Variants in VCAM1 observed in about 807,000 individuals in gnomAD.
VCAM1 encodes the protein vascular cell adhesion molecule 1, also known as vascular cell adhesion protein 1.
In VCAM1, 41 loss-of-function variants were observed where a neutral mutation model predicts 63.8. The observed-to-expected ratio is 0.64, with a 90% confidence interval of 0.50 to 0.83. VCAM1 has a LOEUF of 0.83. Ranked by LOEUF, VCAM1 falls within the 40% of genes least tolerant of loss-of-function variation. VCAM1 has a pLI of 0.00. For missense variants in VCAM1, 798 were observed against 875.5 expected, an observed-to-expected ratio of 0.91 and a Z score of 1.12; for synonymous variants, 338 against 320.7, an observed-to-expected ratio of 1.05 and a Z score of -0.58.
intron 8 of VCAM1, chr1:100,735,972 A>G (rs917487975): frequency 2.0e-5 from 3 of 152,172 alleles, no homozygotes; most frequent in African/African-American, 4.8e-5. Flanking sequence ...ACAGATTGCA[A>G]TCTCAGTTAT....
In VCAM1 at chr1:100,728,715, AATATAT is replaced by A. The variant is rs35811606; in HGVS notation, c.929-374_929-369del. Among the ~76,000 whole-genome samples the A allele has an allele frequency of 1.4e-3, 203 of 144,950 alleles. 1 individual carries two copies. Among genetic ancestry groups the A allele is most frequent in the East Asian group, 0.012 (58 of 4,992 alleles). ...AAAATTGTTGTGAGGATTAAATGAGAATATATATATATATATATATATAGTAATTTA... is the reference window on the plus strand; with the variant it reads ...AAAATTGTTGTGAGGATTAAATGAGAATATATATATATATATAGTAATTTA... On this transcript the variant is annotated intron_variant, in intron 4 of 8. Coordinates refer to ENST00000294728, the MANE Select transcript of VCAM1 (RefSeq NM_001078.4).
rs144133931 is a variant in VCAM1 at position 100,719,897 on chromosome 1, A to T, written c.37A>T (p.Asn13Tyr). The T allele has an allele frequency of 2.7e-5, 44 of 1,611,320 alleles. No homozygotes were observed. Among genetic ancestry groups the T allele is most frequent in the Non-Finnish European group, 3.5e-5 (41 of 1,178,248 alleles). The change falls in exon 1 of 9, where the codon AAT becomes TAT. Residue 13 changes from asparagine (N) to tyrosine (Y), a missense_variant. By Grantham distance (143) the Asn-to-Tyr change is moderately radical. Coordinates refer to ENST00000294728, the MANE Select transcript of VCAM1 (RefSeq NM_001078.4). Reference sequence around the variant, plus strand: ...GATGGTCGTGATCCTTGGAGCCTCAAATATACTTTGGATAATGTTTGCAGC... The same window carrying T: ...GATGGTCGTGATCCTTGGAGCCTCATATATACTTTGGATAATGTTTGCAGC... ...GKMVVILGAS[N>Y]ILWIMFAASQ...
At chr1:100,720,327 C>T (rs546136248) in intron 1 of VCAM1, 149 bp from the exon 2 acceptor site, 73 of 1,064,296 alleles carry the variant, frequency 6.9e-5, no homozygotes, top group South Asian at 4.1e-4. Context: ...GCAGTGACTT[C>T]GGTGCTTTTT....
intron 4 of VCAM1, 32 bp downstream of exon 4, chr1:100,724,922 G>T (rs758750562): frequency 1.2e-6 from 2 of 1,603,156 alleles, no homozygotes; most frequent in Non-Finnish European, 1.7e-6. Context: ...AATGATAAAG[G>T]TGCTGTCAGT....
In VCAM1 at chr1:100,731,729, A is replaced by G. The variant is rs1009766212; in HGVS notation, c.1525+211A>G. 2.0e-5 allele frequency among the ~76,000 whole-genome samples: 3 copies of G among 152,128 alleles called. No homozygotes were observed. ...TGGCTTATGATGCTTTGAGTAGGCAATTTAGGAAGGGACCAGCTAGGCAGT... is the reference window on the plus strand; with the variant it reads ...TGGCTTATGATGCTTTGAGTAGGCAGTTTAGGAAGGGACCAGCTAGGCAGT... On this transcript the variant is annotated intron_variant, in intron 6 of 8. Transcript: ENST00000294728. This position sits in a 1 kb window ranked among gnomAD's most constrained non-coding sequence, Gnocchi z 4.2.
chr1:100,720,408 GAGA>G (rs1358986309), intron 1 of VCAM1, 65 bp from the exon 2 acceptor site: 4 of 1,532,114 alleles, frequency 2.6e-6, no homozygotes, highest in East Asian at 2.3e-5. Context: ...ACATTATACA[GAGA>G]AGAAGGAGGA....
At chr1:100,727,526 G>A (rs1359908960) in intron 4 of VCAM1, among the ~76,000 whole-genome samples, 3 of 151,954 alleles carry the variant, frequency 2.0e-5, no homozygotes, top group Non-Finnish European at 4.4e-5. Context: ...ATGTACAAAG[G>A]ACATGTATTT....
At position 100,728,715 on chromosome 1, in the gene VCAM1, A is replaced by AATATATATATATATATAT. The variant is rs35811606; in HGVS notation, c.929-386_929-369dup. On this transcript the variant is annotated intron_variant, in intron 4 of 8. Coordinates refer to ENST00000294728, the MANE Select transcript of VCAM1 (RefSeq NM_001078.4). ...AAAATTGTTGTGAGGATTAAATGAGAATATATATATATATATATATATAGT... is the reference window on the plus strand; with the variant it reads ...AAAATTGTTGTGAGGATTAAATGAGAATATATATATATATATATATATATATATATATATATATATAGT... 5.3e-3 allele frequency among the ~76,000 whole-genome samples: 763 copies of AATATATATATATATATAT among 144,878 alleles called. 8 individuals carry two copies. Among genetic ancestry groups the AATATATATATATATATAT allele is most frequent in the African/African-American group, 0.019 (731 of 38,866 alleles).
At chr1:100,723,429 A>C (rs1660041268) in intron 3 of VCAM1, 89 bp downstream of exon 3, 1 of 1,354,876 alleles carries the variant, frequency 7.4e-7, no homozygotes, top group Non-Finnish European at 1.0e-6. Flanking sequence ...GTAAAAAAAA[A>C]AAAAACTTGT....
chr1:100,728,260 C>T (rs1253175523), intron 4 of VCAM1, among the ~76,000 whole-genome samples: 1 of 152,068 alleles, frequency 6.6e-6, no homozygotes, highest in Admixed American at 6.6e-5. Flanking sequence ...TATATTGCAT[C>T]AGGCAAATTT....
chr1:100,731,477 A>G lies in VCAM1; in HGVS notation c.1484A>G (p.Glu495Gly). The G allele has an allele frequency of 1.2e-6, 2 of 1,613,564 alleles. No homozygotes were observed. The highest frequency in any genetic ancestry group is 1.7e-6 in the Non-Finnish European group (2 of 1,179,788). Residue 495 changes from glutamate (E) to glycine (G), a missense_variant, in exon 6 of 9, where the codon GAA becomes GGA. Glu to Gly is a moderately conservative substitution (Grantham distance 98). Coordinates refer to ENST00000294728, the MANE Select transcript of VCAM1 (RefSeq NM_001078.4). The surrounding 1 kb of genome is among the most constrained non-coding windows in gnomAD (Gnocchi z 4.2). ...AKLHIDDMEF[E>G]PKQRQSTQTL... The stretch of plus-strand genomic sequence containing the variant: ...TTACATATTGATGACATGGAATTCG[A>G]ACCCAAACAAAGGCAGAGTACGCAA...
intron 2 of VCAM1, 50 bp from the exon 3 acceptor site, chr1:100,722,970 T>C (rs1315623156): frequency 3.9e-6 from 6 of 1,548,428 alleles, no homozygotes; most frequent in African/African-American, 1.4e-5. Context: ...TAAGAGACCT[T>C]ATATCACATT....
At chr1:100,723,373 T>C in intron 3 of VCAM1, 33 bp downstream of exon 3, 1 of 1,593,404 alleles carries the variant, frequency 6.3e-7, no homozygotes, top group Non-Finnish European at 8.6e-7. Flanking sequence ...CCAGTCTTTG[T>C]GGGAATCCCA....
rs1270002045 is a variant in VCAM1, at chr1:100,738,379, A to G, written c.*96A>G. 2.2e-6 allele frequency: 3 copies of G among 1,365,036 alleles called. No homozygotes were observed. The highest frequency in any genetic ancestry group is 2.0e-6 in the Non-Finnish European group (2 of 997,812). 84.6% of individuals were successfully genotyped at this position (1,365,036 alleles called of 1,614,324 possible). On this transcript the variant is annotated 3_prime_UTR_variant, in exon 9 of 9. Coordinates refer to ENST00000294728, the MANE Select transcript of VCAM1 (RefSeq NM_001078.4). ...TGAGAAAAACAATGAGCTGAGAGGC[A>G]GACTTCCCTGAATGTATTGAACTTG...
Position 100,732,655 on chromosome 1 carries a change from G to A in VCAM1, c.1763G>A (p.Ser588Asn). The part of the protein sequence containing the change: ...LCEGINQAGR[S>N]RKEVELIIQV... ...GAAGGAATTAACCAGGCTGGAAGAA[G>A]CAGAAAGGAAGTGGAATTAATTATC... Residue 588 changes from serine to asparagine, a missense_variant, in exon 7 of 9, where the codon AGC becomes AAC. Transcript: ENST00000294728. 6.2e-7 allele frequency: 1 copy of A among 1,603,332 alleles called. No homozygotes were observed. Among genetic ancestry groups the A allele is most frequent in the Non-Finnish European group, 8.5e-7 (1 of 1,176,210 alleles).
intron 2 of VCAM1, 47 bp from the exon 3 acceptor site, chr1:100,722,973 A>G: frequency 1.3e-6 from 2 of 1,555,044 alleles, no homozygotes; most frequent in Admixed American, 1.9e-5. Flanking sequence ...GAGACCTTAT[A>G]TCACATTAGC....
At chr1:100,735,229 T>A (rs1660606895) in intron 8 of VCAM1, 1 of 155,004 alleles carries the variant, frequency 6.5e-6, no homozygotes, top group African/African-American at 2.4e-5. Context: ...AATAGTAAAC[T>A]TGATCCTGAA....
At chr1:100,722,425 A>T (rs1659987061) in intron 2 of VCAM1, among the ~76,000 whole-genome samples, 2 of 152,122 alleles carry the variant, frequency 1.3e-5, no homozygotes, top group Admixed American at 1.3e-4. Flanking sequence ...TCTTGACAAT[A>T]ACTATTCTTT....
Position 100,734,651 on chromosome 1 carries a change from T to A in VCAM1, c.1942T>A (p.Ser648Thr). The stretch of plus-strand genomic sequence containing the variant: ...GGAGACAGGAGACACAGTACTAAAA[T>A]CTATAGATGGCGCCTATACCATCCG... Reference protein sequence around the residue: ...KAETGDTVLKSIDGAYTIRKA... With the variant: ...KAETGDTVLKTIDGAYTIRKA... The change falls in exon 8 of 9, where the codon TCT (serine) becomes ACT (threonine). Residue 648 changes from serine to threonine, a missense_variant. Physicochemically the swap from Ser to Thr is moderately conservative, Grantham distance 58. Transcript: ENST00000294728. 1 of 1,613,956 alleles carries A rather than the reference T, an allele frequency of 6.2e-7. No homozygotes were observed. Among genetic ancestry groups the A allele is most frequent in the African/African-American group, 1.3e-5 (1 of 75,016 alleles).
Sources: gnomAD v4.1 joint callset for allele counts (sites outside exome capture counted in the v4.1 genomes callset) on GRCh38, gnomAD v4.1.1 for gene constraint, Gnocchi (gnomAD v3.1) non-coding constraint, MANE v1.5 for transcripts, NCBI Gene and HGNC (gene_info 2026-07-23, HGNC 2026-07-21) for gene names.